The following ECSIT variants were observed in gnomAD, a reference collection of about 807,000 sequenced individuals.
The protein encoded by ECSIT is ECSIT signaling integrator.
ECSIT carries 29 observed loss-of-function variants against 36.8 expected under a neutral mutation model. That is an observed-to-expected ratio of 0.79 (90% CI 0.59 to 1.08). The LOEUF (loss-of-function observed/expected upper bound fraction) is 1.08. Among genes scored for constraint, ECSIT ranks in the 50% least tolerant of loss-of-function variants. The probability of loss-of-function intolerance (pLI) is 0.00; values close to 1 mark genes in which losing one functional copy is unlikely to be tolerated. For missense variants in ECSIT, 542 were observed against 581.0 expected (o/e 0.93, Z 0.69); for synonymous variants, 231 against 234.8 (o/e 0.98, Z 0.15).
intron 6 of ECSIT, 22 bp from the exon 7 acceptor site, chr19:11,507,584 A>G: frequency 3.1e-6 from 5 of 1,613,582 alleles, no homozygotes; most frequent in Non-Finnish European, 4.2e-6. Context: ...TGGGGAGTGC[A>G]GGCGGGGTCA....
Position 11,507,565 on chromosome 19 carries a change from A to C in ECSIT, c.946-3T>G, listed in dbSNP as rs548522099. 6.8e-6 allele frequency: 11 copies of C among 1,612,282 alleles called. No homozygotes were observed. Among genetic ancestry groups the C allele is most frequent in the Middle Eastern group, 1.6e-4 (1 of 6,074 alleles). On this transcript the variant is annotated splice_polypyrimidine_tract_variant and splice_region_variant and intron_variant, in intron 6 of 7. Transcript: ENST00000270517. ...TCCTCCGGCGTCTCTTCCACTTCCT[A>C]CTCCAAGGTGGGGAGTGCAGGCGGG...
intron 4 of ECSIT, 130 bp downstream of exon 4, chr19:11,512,926 G>A: frequency 1.1e-6 from 1 of 937,766 alleles, no homozygotes; most frequent in Non-Finnish European, 1.7e-6. Context: ...CTGGGCAACA[G>A]AGCAAGACCC....
Position 11,507,788 on chromosome 19 carries a change from C to G in ECSIT, c.859G>C (p.Val287Leu), listed in dbSNP as rs1476302501. The change falls in exon 6 of 8, where the codon GTT (valine) becomes CTT (leucine). Residue 287 changes from valine to leucine, a missense_variant. Transcript: ENST00000270517. ...AGCCACAGGGAGAAGGGGCCCTCAACAAAGACAGGCCGGGCTGGATTGTGG... is the reference window on the plus strand; with the variant it reads ...AGCCACAGGGAGAAGGGGCCCTCAAGAAAGACAGGCCGGGCTGGATTGTGG... ...ARHNPARPVF[V>L]EGPFSLWLRN... 1 of 1,614,156 alleles carries G rather than the reference C, an allele frequency of 6.2e-7. No homozygotes were observed. Among genetic ancestry groups the G allele is most frequent in the Non-Finnish European group, 8.5e-7 (1 of 1,180,048 alleles).
chr19:11,505,948 T>C lies in ECSIT; in HGVS notation c.*236A>G, dbSNP rs1028097510. Reference sequence around the variant, plus strand: ...TGCGCATGCGCACAACCAACAGCGCTCCCGCCCCTTTTTATTTGAATTCGG... The same window carrying C: ...TGCGCATGCGCACAACCAACAGCGCCCCCGCCCCTTTTTATTTGAATTCGG... On this transcript the variant is annotated 3_prime_UTR_variant, in exon 8 of 8. Transcript: ENST00000270517. 3 of 891,088 alleles carry C rather than the reference T, an allele frequency of 3.4e-6. No individual in the cohort carries two copies. The African/African-American group carries it at 5.1e-5, about 15-fold the overall frequency. 55.2% of individuals were successfully genotyped at this position (891,088 alleles called of 1,614,324 possible). A position where few individuals can be genotyped will look rare whatever the true frequency, so the allele number is the denominator to read the frequency against.
Position 11,513,931 on chromosome 19 carries a change from G to T in ECSIT, c.387C>A (p.Tyr129Ter). The part of the protein sequence containing the change: ...EYGVERDLAV[Y>*]NQLLNIFPKE... ...TGGGGAAGATGTTGAGCAGCTGGTT[G>T]TACACAGCCAGGTCCCGCTCGACAC... is the stretch of plus-strand genomic sequence containing the variant. The change falls in exon 3 of 8, where the codon TAC (tyrosine) becomes TAA (stop). Residue 129 changes from tyrosine (Y) to a stop codon, truncating the protein, a stop_gained. Coordinates refer to ENST00000270517, the MANE Select transcript of ECSIT (RefSeq NM_016581.5). LOFTEE classifies it high-confidence loss of function. 6.2e-7 allele frequency: 1 copy of T among 1,614,228 alleles called. No homozygotes were observed. Among genetic ancestry groups the T allele is most frequent in the Non-Finnish European group, 8.5e-7 (1 of 1,180,042 alleles).
chr19:11,523,650 C>G, intron 1 of ECSIT: 1 of 791,132 alleles, frequency 1.3e-6, no homozygotes, highest in Non-Finnish European at 2.2e-6. Context: ...GTGCTGAGCA[C>G]CAAATCAACT....
chr19:11,516,863 A>G (rs536160839), intron 2 of ECSIT, among the ~76,000 whole-genome samples: 29 of 151,930 alleles, frequency 1.9e-4, no homozygotes, highest in African/African-American at 5.5e-4. Context: ...ACAAAAAAAT[A>G]CAAAAATTAG....
intron 6 of ECSIT, 43 bp from the exon 7 acceptor site, chr19:11,507,605 C>A (rs781658682): frequency 1.2e-6 from 2 of 1,612,442 alleles, no homozygotes; most frequent in Non-Finnish European, 1.7e-6. Context: ...GAGGCCAGGG[C>A]TCTCTCGGTC....
Position 11,514,226 on chromosome 19 carries a change from G to A in ECSIT, c.97-5C>T. 6.3e-7 allele frequency: 1 copy of A among 1,596,326 alleles called. No homozygotes were observed. The highest frequency in any genetic ancestry group is 8.5e-7 in the Non-Finnish European group (1 of 1,171,936). On this transcript the variant is annotated splice_region_variant and splice_polypyrimidine_tract_variant and intron_variant, in intron 2 of 7. Transcript: ENST00000270517. ...CCGAGGGAGCCGGCGAGGGACCTGG[G>A]GAGGGAGGAGAACTGCTGGAATCTG...
rs1272478191 is a variant in ECSIT, at chr19:11,507,715, G to T, written c.932C>A (p.Pro311His). The stretch of plus-strand genomic sequence containing the variant: ...TTAAGCCCTCACCCTCTCCTCCGGG[G>T]GCAGCAAGTCAGCTCTGAGGATGTG... ...YYHILRADLL[P>H]PEEREVEETP... Residue 311 changes from proline (P) to histidine (H), a missense_variant, in exon 6 of 8, where the codon CCC (proline) becomes CAC (histidine). Coordinates refer to ENST00000270517, the MANE Select transcript of ECSIT (RefSeq NM_016581.5). The T allele has an allele frequency of 1.9e-6, 3 of 1,614,098 alleles. No homozygotes were observed. The highest frequency in any genetic ancestry group is 2.5e-6 in the Non-Finnish European group (3 of 1,180,040).
At position 11,515,632 on chromosome 19, in the gene ECSIT, TTTTG is replaced by T. The variant is rs769506593; in HGVS notation, c.97-1415_97-1412del. Among the ~76,000 whole-genome samples, 16 of 151,904 alleles carry T rather than the reference TTTTG, an allele frequency of 1.1e-4. No individual in the cohort carries two copies. The East Asian group carries it at 1.5e-3, about 15-fold the overall frequency. On this transcript the variant is annotated intron_variant, in intron 2 of 7. Transcript: ENST00000270517. ...CCACCATGCCCAGCTAATTTTTATG[TTTTG>T]TTTGTTTGTTTTTCCTGAGATGGAG... is the stretch of plus-strand genomic sequence containing the variant.
intron 4 of ECSIT, among the ~76,000 whole-genome samples, chr19:11,511,473 C>T (rs900031753): frequency 2.6e-5 from 4 of 151,690 alleles, no homozygotes; most frequent in African/African-American, 4.9e-5. Flanking sequence ...AACATGAAGT[C>T]CATGGGGAAC....
chr19:11,520,702 T>C (rs1972085409), intron 1 of ECSIT, among the ~76,000 whole-genome samples: 1 of 149,288 alleles, frequency 6.7e-6, no homozygotes, highest in Admixed American at 6.7e-5. Context: ...TTTGTAGAGA[T>C]GGGGTTTCGC....
chr19:11,507,307 G>A (rs1255446119), intron 7 of ECSIT, 150 bp downstream of exon 7: 1 of 647,472 alleles, frequency 1.5e-6, no homozygotes, highest in Admixed American at 2.4e-5. Context: ...TTTTGACACA[G>A]GGTCTATCAT....
intron 1 of ECSIT, among the ~76,000 whole-genome samples, chr19:11,524,648 G>GA (rs112878977): frequency 4.6e-4 from 59 of 128,990 alleles, no homozygotes; most frequent in African/African-American, 3.9e-4. Flanking sequence ...ACAGCAAAAA[G>GA]AAAAAAAAAA....
At position 11,519,989 on chromosome 19, in the gene ECSIT, GAAAA is replaced by G. The variant is rs796647516; in HGVS notation, c.-23-800_-23-797del. On this transcript the variant is annotated intron_variant, in intron 1 of 7. Transcript: ENST00000270517. The surrounding 1 kb of genome is among the most constrained non-coding windows in gnomAD (Gnocchi z 4.4). ...CATCTCCAGAAAAAAAAAAAAAGAA[GAAAA>G]AAAAAAAAGAAAGAAACCCTGTACC... 2 of 123,324 alleles carry G rather than the reference GAAAA, an allele frequency of 1.6e-5. No homozygotes were observed. The highest frequency in any genetic ancestry group is 2.6e-4 in the South Asian group (1 of 3,906). 7.6% of individuals were successfully genotyped at this position (123,324 alleles called of 1,614,324 possible). A position where few individuals can be genotyped will look rare whatever the true frequency, so the allele number is the denominator to read the frequency against.
At chr19:11,518,826 G>A (rs1300135124) in intron 2 of ECSIT, among the ~76,000 whole-genome samples, 1 of 152,120 alleles carries the variant, frequency 6.6e-6, no homozygotes, top group African/African-American at 2.4e-5. Context: ...TTGAACCTGG[G>A]AGGTCAAGAC....
At chr19:11,515,350 G>A (rs758143074) in intron 2 of ECSIT, among the ~76,000 whole-genome samples, 11 of 152,026 alleles carry the variant, frequency 7.2e-5, no homozygotes, top group South Asian at 2.1e-4. Context: ...TGATCCGCCC[G>A]CCTTGGCCTC....
At chr19:11,514,548 G>A (rs1391455263) in intron 2 of ECSIT, among the ~76,000 whole-genome samples, 1 of 151,382 alleles carries the variant, frequency 6.6e-6, no homozygotes, top group African/African-American at 2.4e-5. Context: ...TTTGAGACGG[G>A]GTCTGGCTCT....
Sources: gnomAD v4.1 joint callset for allele counts (sites outside exome capture counted in the v4.1 genomes callset) on GRCh38, gnomAD v4.1.1 for gene constraint, Gnocchi (gnomAD v3.1) non-coding constraint, MANE v1.5 for transcripts, NCBI Gene and HGNC (gene_info 2026-07-23, HGNC 2026-07-21) for gene names.